ABCB11: variants seen among roughly 807,000 people sequenced by gnomAD.
ABCB11 encodes the protein ATP binding cassette subfamily B member 11.
ABCB11 carries 95 observed loss-of-function variants against 148.0 expected under a neutral mutation model. That is an observed-to-expected ratio of 0.64 (90% CI 0.54 to 0.76). The LOEUF (loss-of-function observed/expected upper bound fraction) is 0.76. Ranked by LOEUF, ABCB11 falls within the 30% of genes least tolerant of loss-of-function variation. The pLI is 0.00. For synonymous variants in ABCB11, 591 were observed against 555.4 expected, an observed-to-expected ratio of 1.06 and a Z score of -0.90; for missense variants, 1,523 against 1,617.8, an observed-to-expected ratio of 0.94 and a Z score of 1.01.
chr2:169,003,182 G>A (rs372298834), intron 5 of ABCB11, among the ~76,000 whole-genome samples: 34 of 151,586 alleles, frequency 2.2e-4, no homozygotes, highest in Non-Finnish European at 3.4e-4. Flanking sequence ...AGCTTAGCTC[G>A]TACATATGAG....
chr2:168,971,899 A>G lies in ABCB11; in HGVS notation c.1586T>C (p.Val529Ala). ...GGCATTGGCCTCCTTGGCAGCTTGG[A>G]CTATGTCTTCCATTGTTGCATCTTC... is the stretch of plus-strand genomic sequence containing the variant. Reference protein sequence around the residue: ...GREDATMEDIVQAAKEANAYN... With the variant: ...GREDATMEDIAQAAKEANAYN... Residue 529 changes from valine to alanine, a missense_variant, in exon 14 of 28, where the codon GTC becomes GCC. Coordinates refer to ENST00000650372, the MANE Select transcript of ABCB11 (RefSeq NM_003742.4). The G allele has an allele frequency of 6.2e-7, 1 of 1,613,000 alleles. No homozygotes were observed. The highest frequency in any genetic ancestry group is 8.5e-7 in the Non-Finnish European group (1 of 1,179,352).
chr2:168,921,292 T>C lies in ABCB11; in HGVS notation c.*2330A>G, dbSNP rs1400974394. ...CACTGGAAAAGAGACATAAATAATA[T>C]ACCTCCATATCCTAGTGTCCTGGCT... On this transcript the variant is annotated 3_prime_UTR_variant, in exon 28 of 28. Transcript: ENST00000650372. Among the ~76,000 whole-genome samples, 32 of 152,182 alleles carry C rather than the reference T, an allele frequency of 2.1e-4. No homozygotes were observed. Among genetic ancestry groups the C allele is most frequent in the Admixed American group, 2.0e-3 (31 of 15,288 alleles).
chr2:169,004,456 A>G (rs1694964457), intron 5 of ABCB11, among the ~76,000 whole-genome samples: 1 of 152,026 alleles, frequency 6.6e-6, no homozygotes, highest in Non-Finnish European at 1.5e-5. Context: ...ATTTGATTCT[A>G]TTGCTGAGAC....
intron 19 of ABCB11, among the ~76,000 whole-genome samples, chr2:168,948,718 G>T (rs1692432815): frequency 6.6e-6 from 1 of 151,724 alleles, no homozygotes; most frequent in Admixed American, 6.6e-5. Context: ...CAGCATAAAA[G>T]TTTATGGCAC....
chr2:168,984,385 C>T (rs531150169), intron 10 of ABCB11, among the ~76,000 whole-genome samples: 9 of 152,290 alleles, frequency 5.9e-5, no homozygotes, highest in African/African-American at 1.7e-4. Context: ...GTTGAATCCC[C>T]TGCATTTTCT....
rs1691122285 is a variant in ABCB11 at position 168,922,698 on chromosome 2, T to C, written c.*924A>G. Among the ~76,000 whole-genome samples the C allele has an allele frequency of 6.6e-6, 1 of 152,224 alleles. No homozygotes were observed. The highest frequency in any genetic ancestry group is 2.4e-5 in the African/African-American group (1 of 41,452). ...TAGATTCCTGCCGCCTTTAGTTCTA[T>C]GTCATTCTGTGGTGTTTTGAGGGAG... On this transcript the variant is annotated 3_prime_UTR_variant, in exon 28 of 28. Coordinates refer to ENST00000650372, the MANE Select transcript of ABCB11 (RefSeq NM_003742.4).
In ABCB11 at chr2:168,923,416, T is replaced by TAC; in HGVS notation, c.*204_*205dup. ...ACCCTAGTTTCTTTCATTTTCTGTA[T>TAC]ACACATCTAAAGCAGAATTATTATG... On this transcript the variant is annotated 3_prime_UTR_variant, in exon 28 of 28. Coordinates refer to ENST00000650372, the MANE Select transcript of ABCB11 (RefSeq NM_003742.4). 1.6e-6 allele frequency: 1 copy of TAC among 614,982 alleles called. No homozygotes were observed. Among genetic ancestry groups the TAC allele is most frequent in the South Asian group, 2.1e-5 (1 of 48,438 alleles). 38.1% of individuals were successfully genotyped at this position (614,982 alleles called of 1,614,324 possible). A position where few individuals can be genotyped will look rare whatever the true frequency, so the allele number is the denominator to read the frequency against.
At chr2:168,961,097 T>C (rs947468964) in intron 18 of ABCB11, among the ~76,000 whole-genome samples, 2 of 151,734 alleles carry the variant, frequency 1.3e-5, no homozygotes, top group Non-Finnish European at 3.0e-5. Flanking sequence ...TCGATGTTTA[T>C]GGGATAAAAG....
At chr2:168,974,428 C>G (rs1398024962) in intron 12 of ABCB11, among the ~76,000 whole-genome samples, 2 of 145,958 alleles carry the variant, frequency 1.4e-5, no homozygotes, top group Non-Finnish European at 2.9e-5. Flanking sequence ...TCATAACTAT[C>G]TGTCAATATT....
chr2:168,915,840 G>A (rs1308533484), downstream of ABCB11, among the ~76,000 whole-genome samples: 1 of 152,166 alleles, frequency 6.6e-6, no homozygotes, highest in Non-Finnish European at 1.5e-5. Context: ...AGTCTAGGAA[G>A]GTAAATATTT....
intron 21 of ABCB11, among the ~76,000 whole-genome samples, chr2:168,943,795 T>A (rs1426937685): frequency 6.6e-6 from 1 of 151,604 alleles, no homozygotes; most frequent in Admixed American, 6.6e-5. Context: ...CCAGTGAGTT[T>A]TTTCTTCTAA....
At chr2:168,955,896 T>C (rs962969003) in intron 19 of ABCB11, among the ~76,000 whole-genome samples, 1 of 151,564 alleles carries the variant, frequency 6.6e-6, no homozygotes, top group African/African-American at 2.4e-5. Context: ...AAAACAAAGG[T>C]GCTCCAGGCC....
At chr2:168,952,325 A>C (rs1429300799) in intron 19 of ABCB11, among the ~76,000 whole-genome samples, 1 of 151,486 alleles carries the variant, frequency 6.6e-6, no homozygotes, top group African/African-American at 2.4e-5. Flanking sequence ...TGTTTGGTAG[A>C]ATTCAGCTAT....
At position 168,975,697 on chromosome 2, in the gene ABCB11, T is replaced by G. The variant is rs919841275; in HGVS notation, c.1308+880A>C. Among the ~76,000 whole-genome samples, 12 of 104,300 alleles carry G rather than the reference T, an allele frequency of 1.2e-4. 1 individual carries two copies. The highest frequency in any genetic ancestry group is 4.3e-4 in the African/African-American group (12 of 28,074). 68.4% of individuals were successfully genotyped at this position (104,300 alleles called of 152,430 possible). A position where few individuals can be genotyped will look rare whatever the true frequency, so the allele number is the denominator to read the frequency against. On this transcript the variant is annotated intron_variant, in intron 12 of 27. Coordinates refer to ENST00000650372, the MANE Select transcript of ABCB11 (RefSeq NM_003742.4). ...TATAAATATTTACCTGCATTTTATA[T>G]ATATGTTTACCTTCTCTCTGTATAT... is the stretch of plus-strand genomic sequence containing the variant.
At chr2:168,991,117 G>A (rs542451703) in intron 8 of ABCB11, among the ~76,000 whole-genome samples, 192 bp from the exon 9 acceptor site, 2 of 152,182 alleles carry the variant, frequency 1.3e-5, no homozygotes, top group African/African-American at 2.4e-5. Flanking sequence ...TTGTCTGGTT[G>A]TTGATATATC....
intron 1 of ABCB11, among the ~76,000 whole-genome samples, chr2:169,023,923 T>G (rs1192712729): frequency 1.3e-5 from 2 of 152,278 alleles, no homozygotes; most frequent in South Asian, 2.1e-4. Context: ...ACGATAAAGT[T>G]GGAAGGAGGT....
Position 168,967,331 on chromosome 2 carries a change from T to C in ABCB11, c.2075+1096A>G, listed in dbSNP as rs564921953. Among the ~76,000 whole-genome samples, 303 of 152,012 alleles carry C rather than the reference T, an allele frequency of 2.0e-3. 2 individuals carry two copies. Among genetic ancestry groups the C allele is most frequent in the African/African-American group, 7.0e-3 (290 of 41,538 alleles). On this transcript the variant is annotated intron_variant, in intron 17 of 27. Transcript: ENST00000650372. Reference sequence around the variant, plus strand: ...AAACTAGCATTTCTTAAAATTTGTTTGAATAAACTTGTTCTCAAGAAGAAA... The same window carrying C: ...AAACTAGCATTTCTTAAAATTTGTTCGAATAAACTTGTTCTCAAGAAGAAA...
chr2:168,933,472 T>C (rs966370795), intron 23 of ABCB11, among the ~76,000 whole-genome samples: 1 of 152,164 alleles, frequency 6.6e-6, no homozygotes, highest in African/African-American at 2.4e-5. Context: ...GATTATGATG[T>C]GAGTAGTAGC....
chr2:168,919,375 G>A (rs1436102480), downstream of ABCB11, among the ~76,000 whole-genome samples: 1 of 152,096 alleles, frequency 6.6e-6, no homozygotes, highest in African/African-American at 2.4e-5. Context: ...AACTCTAGCA[G>A]GGGGTTCTGT....
Sources: allele counts gnomAD v4.1 joint callset (sites outside exome capture counted in the v4.1 genomes callset), GRCh38; gene constraint gnomAD v4.1.1; transcripts MANE v1.5; gene names NCBI Gene and HGNC (gene_info 2026-07-23, HGNC 2026-07-21).